SOX5: variants seen among roughly 807,000 people sequenced by gnomAD.
SOX5 encodes transcription factor SOX-5.
In SOX5, 9 loss-of-function variants were observed where a neutral mutation model predicts 92.0. The ratio of observed to expected loss-of-function variants is 0.10; its 90% CI spans 0.06 to 0.17. SOX5 has a LOEUF of 0.17. SOX5 is among the 10% of genes least tolerant of loss of function. The pLI is 1.00. For synonymous variants in SOX5, 344 were observed against 336.3 expected (o/e 1.02, Z -0.25); for missense variants, 642 against 944.5 (o/e 0.68, Z 4.20).
intron 3 of SOX5, among the ~76,000 whole-genome samples, chr12:23,765,116 G>A (rs916169330): frequency 9.8e-4 from 149 of 151,898 alleles, no homozygotes; most frequent in African/African-American, 3.4e-3. Context: ...GCTTATAATC[G>A]TATATTAAAA....
chr12:23,557,248 A>G, intron 11 of SOX5, among the ~76,000 whole-genome samples: 1 of 152,210 alleles, frequency 6.6e-6, no homozygotes, highest in East Asian at 1.9e-4. Context: ...AAATGAAACT[A>G]CTGTCATTAT....
chr12:23,778,212 C>T (rs1298353879), intron 3 of SOX5, among the ~76,000 whole-genome samples: 1 of 152,142 alleles, frequency 6.6e-6, no homozygotes, highest in Non-Finnish European at 1.5e-5. Flanking sequence ...TGAATCATGA[C>T]TTTAATATGC....
chr12:24,099,675 C>T (rs1945847665), intron 4 of SOX5, among the ~76,000 whole-genome samples: 1 of 152,108 alleles, frequency 6.6e-6, no homozygotes, highest in Non-Finnish European at 1.5e-5. Flanking sequence ...CATAACATAT[C>T]ATGTACTAGA....
intron 4 of SOX5, among the ~76,000 whole-genome samples, chr12:24,195,884 G>A (rs778625765): frequency 7.2e-5 from 11 of 152,112 alleles, no homozygotes; most frequent in Non-Finnish European, 2.9e-5. Context: ...GCATGTGTGT[G>A]TGTCTGTGTG....
intron 3 of SOX5, among the ~76,000 whole-genome samples, chr12:23,844,896 A>G (rs1230246013): frequency 2.0e-5 from 3 of 152,238 alleles, no homozygotes; most frequent in Non-Finnish European, 4.4e-5. Context: ...AGGACATGTA[A>G]CAAAATATCC....
At chr12:23,759,030 GACACACACACACACACAC>G (rs61575999) in intron 3 of SOX5, among the ~76,000 whole-genome samples, 2 of 146,232 alleles carry the variant, frequency 1.4e-5, no homozygotes, top group Non-Finnish European at 3.0e-5. Context: ...CACACACACA[GACACACACACACACACAC>G]ACACACACAC....
At chr12:23,822,903 T>G (rs1022012279) in intron 3 of SOX5, among the ~76,000 whole-genome samples, 2 of 151,852 alleles carry the variant, frequency 1.3e-5, no homozygotes, top group African/African-American at 2.4e-5. Context: ...TTTTTGATCT[T>G]TGTTGGTTTA....
intron 7 of SOX5, among the ~76,000 whole-genome samples, chr12:23,656,223 C>G (rs1168739499): frequency 6.6e-6 from 1 of 151,462 alleles, no homozygotes; most frequent in Non-Finnish European, 1.5e-5. Context: ...TAAAGCCAGA[C>G]AATTAGTTTC....
intron 9 of SOX5, among the ~76,000 whole-genome samples, chr12:23,588,654 T>G (rs902890410): frequency 6.6e-6 from 1 of 151,898 alleles, no homozygotes; most frequent in African/African-American, 2.4e-5. Context: ...TTTTGAATGT[T>G]GCTTTGGTCC....
At chr12:23,941,118 T>C (rs970198192) in intron 1 of SOX5, among the ~76,000 whole-genome samples, 2 of 151,570 alleles carry the variant, frequency 1.3e-5, no homozygotes, top group African/African-American at 2.4e-5. Context: ...GCAGGATTCA[T>C]TCAAGAGATC....
intron 4 of SOX5, among the ~76,000 whole-genome samples, chr12:23,969,760 C>T (rs991724846): frequency 4.6e-5 from 7 of 152,130 alleles, no homozygotes; most frequent in African/African-American, 1.7e-4. Flanking sequence ...GATAGCTTTA[C>T]ATCGGTAAAA....
At chr12:23,645,219 A>G (rs1013745332) in intron 7 of SOX5, among the ~76,000 whole-genome samples, 1 of 152,224 alleles carries the variant, frequency 6.6e-6, no homozygotes, top group Non-Finnish European at 1.5e-5. Context: ...GATGAAAATA[A>G]GAGTGAGCTT....
intron 2 of SOX5, among the ~76,000 whole-genome samples, chr12:24,346,739 C>T (rs912366903): frequency 1.7e-4 from 26 of 152,238 alleles, no homozygotes; most frequent in Admixed American, 4.6e-4. Context: ...GCATCAGTTA[C>T]CGTGCCTGGC....
rs1191744171 is a variant in SOX5 at position 24,426,533 on chromosome 12, ATT to A, written c.-250-57896_-250-57895del. On this transcript the variant is annotated intron_variant, in intron 1 of 4. Coordinates refer to the SOX5 transcript ENST00000446891. ...TTTTATATTAAATATCAGAACTCAC[ATT>A]TATCATTGAAGGTGAGGTCTGAGAA... Among the ~76,000 whole-genome samples the A allele has an allele frequency of 2.0e-5, 3 of 152,352 alleles. No individual in the cohort carries two copies. The East Asian group carries it at 5.8e-4, about 29-fold the overall frequency.
intron 3 of SOX5, among the ~76,000 whole-genome samples, chr12:24,235,705 TTAATGA>T (rs1964343887): frequency 1.3e-5 from 2 of 152,228 alleles, no homozygotes; most frequent in Admixed American, 6.5e-5. Flanking sequence ...ATTTCATATG[TTAATGA>T]TACTTAAGTC....
At chr12:23,893,324 T>C (rs2097147195) in intron 2 of SOX5, among the ~76,000 whole-genome samples, 1 of 152,044 alleles carries the variant, frequency 6.6e-6, no homozygotes, top group South Asian at 2.1e-4. Flanking sequence ...CGGGGGCCTG[T>C]AATCCCAGCT....
intron 6 of SOX5, among the ~76,000 whole-genome samples, chr12:23,705,863 T>A (rs1272242735): frequency 1.3e-5 from 2 of 152,100 alleles, no homozygotes; most frequent in African/African-American, 4.8e-5. Flanking sequence ...ATGTTCCTTG[T>A]AAGCTTCTCT....
intron 4 of SOX5, among the ~76,000 whole-genome samples, chr12:24,182,784 G>C (rs1256647698): frequency 2.6e-5 from 4 of 152,162 alleles, no homozygotes; most frequent in African/African-American, 9.7e-5. Flanking sequence ...CACGACCTCA[G>C]CTCACTGCAA....
At chr12:24,062,628 G>T (rs943865119) in intron 4 of SOX5, among the ~76,000 whole-genome samples, 8 of 152,194 alleles carry the variant, frequency 5.3e-5, no homozygotes, top group African/African-American at 1.9e-4. Context: ...TAAAGACGTG[G>T]TCCTGAAGTG....
Sources: gnomAD v4.1 joint callset for allele counts (sites outside exome capture counted in the v4.1 genomes callset) on GRCh38, gnomAD v4.1.1 for gene constraint, MANE v1.5 for transcripts, NCBI Gene and HGNC (gene_info 2026-07-23, HGNC 2026-07-21) for gene names.